KMT2A: variants seen among roughly 807,000 people sequenced by gnomAD.
KMT2A encodes the protein histone-lysine N-methyltransferase 2A.
In KMT2A, 16 loss-of-function variants were observed where a neutral mutation model predicts 345.3. The ratio of observed to expected loss-of-function variants is 0.05; its 90% CI spans 0.03 to 0.07. The LOEUF (loss-of-function observed/expected upper bound fraction) is 0.07. KMT2A is among the 10% of genes least tolerant of loss of function. KMT2A has a pLI of 1.00. For synonymous variants in KMT2A, 1,599 were observed against 1,778.6 expected (o/e 0.90, Z 2.54); for missense variants, 3,272 against 4,841.6 (o/e 0.68, Z 9.62).
chr11:118,491,609 T>C lies in KMT2A; in HGVS notation c.4820-135T>C. 1 of 703,810 alleles carries C rather than the reference T, an allele frequency of 1.4e-6. No individual in the cohort carries two copies. Among genetic ancestry groups the C allele is most frequent in the Non-Finnish European group, 2.3e-6 (1 of 438,610 alleles). 43.6% of individuals were successfully genotyped at this position (703,810 alleles called of 1,614,324 possible). A position where few individuals can be genotyped will look rare whatever the true frequency, so the allele number is the denominator to read the frequency against. ...CACTTTTTGAGATCAATATGTGTCATATCCATGAGGACATTAAAATCTTAA... is the reference window on the plus strand; with the variant it reads ...CACTTTTTGAGATCAATATGTGTCACATCCATGAGGACATTAAAATCTTAA... On this transcript the variant is annotated intron_variant, in intron 14 of 35. Transcript: ENST00000534358. The surrounding 1 kb of genome is among the most constrained non-coding windows in gnomAD (Gnocchi z 4.2).
At chr11:118,488,891 A>G in intron 11 of KMT2A, 131 bp downstream of exon 11, 3 of 701,810 alleles carry the variant, frequency 4.3e-6, no homozygotes, top group Non-Finnish European at 7.1e-6. Flanking sequence ...CTATGTGAAC[A>G]GACTTTTTCT....
intron 1 of KMT2A, among the ~76,000 whole-genome samples, chr11:118,451,549 G>A (rs1949537822): frequency 6.6e-6 from 1 of 151,990 alleles, no homozygotes; most frequent in Admixed American, 6.6e-5. Flanking sequence ...CACCACATCT[G>A]GCTAATTTTT....
At position 118,475,440 on chromosome 11, in the gene KMT2A, C is replaced by T. The variant is rs114864896; in HGVS notation, c.3156+1125C>T. On this transcript the variant is annotated intron_variant, in intron 3 of 35. Transcript: ENST00000534358. ...AAACTTATATTTGTAATGTTATTCA[C>T]GGGCTGGGTACGGTGGCTTACGCCT... Among the ~76,000 whole-genome samples, 918 of 152,184 alleles carry T rather than the reference C, an allele frequency of 6.0e-3. 10 individuals are homozygous for T. Among genetic ancestry groups the T allele is most frequent in the African/African-American group, 0.021 (861 of 41,526 alleles).
chr11:118,467,075 G>C (rs1555034257), intron 1 of KMT2A, among the ~76,000 whole-genome samples: 1 of 151,662 alleles, frequency 6.6e-6, no homozygotes, highest in Non-Finnish European at 1.5e-5. Context: ...TACATTCTTA[G>C]AATTATAATA....
Position 118,495,550 on chromosome 11 carries a change from A to G in KMT2A, c.5364-150A>G. ...TTTTTTAAAATATTGAGTTCTGTGTACTTCAGCAATTTTCAAACGCTGTGA... is the reference window on the plus strand; with the variant it reads ...TTTTTTAAAATATTGAGTTCTGTGTGCTTCAGCAATTTTCAAACGCTGTGA... On this transcript the variant is annotated intron_variant, in intron 18 of 35. Coordinates refer to ENST00000534358, the MANE Select transcript of KMT2A (RefSeq NM_001197104.2). This position sits in a 1 kb window ranked among gnomAD's most constrained non-coding sequence, Gnocchi z 4.1. 1 of 512,556 alleles carries G rather than the reference A, an allele frequency of 2.0e-6. No homozygotes were observed. Among genetic ancestry groups the G allele is most frequent in the South Asian group, 4.2e-5 (1 of 24,036 alleles). The allele number at this position is 512,556 out of a possible 1,614,324, so 31.8% of individuals were successfully genotyped here.
At chr11:118,475,004 A>G (rs910847469) in intron 3 of KMT2A, among the ~76,000 whole-genome samples, 4 of 151,714 alleles carry the variant, frequency 2.6e-5, no homozygotes, top group Non-Finnish European at 4.4e-5. Context: ...GTGGTGATGC[A>G]TGCCTCTAGT....
intron 1 of KMT2A, among the ~76,000 whole-genome samples, chr11:118,437,921 G>A (rs1250468643): frequency 3.3e-5 from 5 of 151,976 alleles, no homozygotes; most frequent in South Asian, 4.1e-4. Context: ...GTTTGTTGGG[G>A]GACTGAGGCA....
intron 29 of KMT2A, among the ~76,000 whole-genome samples, chr11:118,509,579 T>C (rs1407314348): frequency 6.6e-6 from 1 of 152,222 alleles, no homozygotes; most frequent in African/African-American, 2.4e-5. Flanking sequence ...CAGATACATC[T>C]CCATGGCATT....
rs1470573240 is a variant in KMT2A, at chr11:118,510,894, G to A, written c.11071+776G>A. ...AATGGAATTTGGGTTAGGCAAAGAAGAATGCAGGGCTCTCTAGGAAGAAGA... is the reference window on the plus strand; with the variant it reads ...AATGGAATTTGGGTTAGGCAAAGAAAAATGCAGGGCTCTCTAGGAAGAAGA... On this transcript the variant is annotated intron_variant, in intron 30 of 35. Coordinates refer to ENST00000534358, the MANE Select transcript of KMT2A (RefSeq NM_001197104.2). This position sits in a 1 kb window ranked among gnomAD's most constrained non-coding sequence, Gnocchi z 4.1. 2.0e-5 allele frequency among the ~76,000 whole-genome samples: 3 copies of A among 152,202 alleles called. No homozygotes were observed. The highest frequency in any genetic ancestry group is 4.4e-5 in the Non-Finnish European group (3 of 68,028).
intron 28 of KMT2A, 81 bp downstream of exon 28, chr11:118,507,690 C>T (rs1768313832): frequency 6.9e-6 from 8 of 1,153,660 alleles, no homozygotes; most frequent in Middle Eastern, 2.4e-4. Context: ...CCAGGCCGGG[C>T]GCAGTGGCTC....
intron 1 of KMT2A, among the ~76,000 whole-genome samples, chr11:118,451,618 A>AC (rs1949539472): frequency 6.7e-6 from 1 of 149,518 alleles, no homozygotes; most frequent in Admixed American, 6.7e-5. Flanking sequence ...CGAACTCCTG[A>AC]CCTCAGGTGA....
In KMT2A at chr11:118,519,763, C is replaced by A; in HGVS notation, c.11292C>A (p.His3764Gln). Residue 3764 changes from histidine (H) to glutamine (Q), a missense_variant, in exon 32 of 36, where the codon CAC becomes CAA. By Grantham distance (24) the His-to-Gln change is conservative (BLOSUM62 0). Transcript: ENST00000534358. ...EEANEPPLNP[H>Q]GSARAEVHLR... ...CCAATGAACCCCCCTTGAACCCTCACGGCTCAGCCAGGGCTGAAGTCCACC... is the reference window on the plus strand; with the variant it reads ...CCAATGAACCCCCCTTGAACCCTCAAGGCTCAGCCAGGGCTGAAGTCCACC... 2.5e-6 allele frequency: 4 copies of A among 1,613,938 alleles called. No homozygotes were observed. The highest frequency in any genetic ancestry group is 3.4e-6 in the Non-Finnish European group (4 of 1,179,782).
chr11:118,509,075 G>C lies in KMT2A; in HGVS notation c.10836-61G>C, dbSNP rs2134425946. 3 of 1,442,836 alleles carry C rather than the reference G, an allele frequency of 2.1e-6. No homozygotes were observed. In the East Asian group the frequency reaches 6.9e-5, roughly 33 times the overall value. The allele number at this position is 1,442,836 out of a possible 1,614,324, so 89.4% of individuals were successfully genotyped here. A position where few individuals can be genotyped will look rare whatever the true frequency, so the allele number is the denominator to read the frequency against. On this transcript the variant is annotated intron_variant, in intron 28 of 35. Coordinates refer to ENST00000534358, the MANE Select transcript of KMT2A (RefSeq NM_001197104.2). ...TACCACAGCTGTATAGAAAATTCTG[G>C]GTTTTTTCTTTGAATTGAAGAACTA...
intron 31 of KMT2A, among the ~76,000 whole-genome samples, chr11:118,513,937 C>CAAAAAA (rs1178939991): frequency 3.6e-3 from 163 of 45,498 alleles, no homozygotes; most frequent in Non-Finnish European, 4.5e-3. Flanking sequence ...GACCCTGTCT[C>CAAAAAA]AAAAAAAAAA....
At chr11:118,446,788 T>A (rs1252064804) in intron 1 of KMT2A, among the ~76,000 whole-genome samples, 11 of 152,224 alleles carry the variant, frequency 7.2e-5, no homozygotes, top group Non-Finnish European at 1.0e-4. Context: ...GATCAGAGTA[T>A]GTCACTTTAT....
At chr11:118,515,417 A>G (rs1486733560) in intron 31 of KMT2A, among the ~76,000 whole-genome samples, 2 of 152,224 alleles carry the variant, frequency 1.3e-5, no homozygotes, top group East Asian at 1.9e-4. Flanking sequence ...ATCATCTTAT[A>G]TAACAGAAAG....
At position 118,520,402 on chromosome 11, in the gene KMT2A, C is replaced by T; in HGVS notation, c.11429+338C>T. ...GCACAGTGGCTCATGCCTGTAATTC[C>T]AGCACTTTGGAAGTCCGAGGCGGAC... is the stretch of plus-strand genomic sequence containing the variant. On this transcript the variant is annotated intron_variant, in intron 33 of 35. Coordinates refer to ENST00000534358, the MANE Select transcript of KMT2A (RefSeq NM_001197104.2). The surrounding 1 kb of genome is among the most constrained non-coding windows in gnomAD (Gnocchi z 4.3). 3.0e-6 allele frequency: 1 copy of T among 335,210 alleles called. No individual in the cohort carries two copies. Among genetic ancestry groups the T allele is most frequent in the South Asian group, 4.8e-5 (1 of 20,762 alleles). The allele number at this position is 335,210 out of a possible 1,614,324, so 20.8% of individuals were successfully genotyped here. A position where few individuals can be genotyped will look rare whatever the true frequency, so the allele number is the denominator to read the frequency against.
intron 26 of KMT2A, 87 bp downstream of exon 26, chr11:118,501,944 C>A: frequency 8.7e-7 from 1 of 1,150,440 alleles, no homozygotes; most frequent in Non-Finnish European, 1.2e-6. Context: ...ATCTTGGTGA[C>A]TTTTACTGAT....
At chr11:118,499,671 T>C (rs1555045081) in intron 23 of KMT2A, among the ~76,000 whole-genome samples, 164 bp from the exon 24 acceptor site, 2 of 152,076 alleles carry the variant, frequency 1.3e-5, no homozygotes. Context: ...TCCCAGCTAC[T>C]TGGGAGGCTG....
Sources: gnomAD v4.1 joint callset for allele counts (sites outside exome capture counted in the v4.1 genomes callset) on GRCh38, gnomAD v4.1.1 for gene constraint, Gnocchi (gnomAD v3.1) non-coding constraint, MANE v1.5 for transcripts, NCBI Gene and HGNC (gene_info 2026-07-23, HGNC 2026-07-21) for gene names.